The following TSHZ2 variants were observed in gnomAD, a reference collection of about 807,000 sequenced individuals.
TSHZ2 encodes the protein teashirt zinc finger homeobox 2.
In TSHZ2, 21 loss-of-function variants were observed where a neutral mutation model predicts 74.4. That is an observed-to-expected ratio of 0.28 (90% CI 0.20 to 0.41). The LOEUF is 0.41. TSHZ2 is among the 10% of genes least tolerant of loss of function. The probability of loss-of-function intolerance (pLI) is 1.00; values close to 1 mark genes in which losing one functional copy is unlikely to be tolerated. For missense variants in TSHZ2, 1,244 were observed against 1,293.5 expected (o/e 0.96, Z 0.59); for synonymous variants, 540 against 515.3 (o/e 1.05, Z -0.65).
chr20:53,418,174 G>C (rs2145710830), intron 2 of TSHZ2, among the ~76,000 whole-genome samples: 1 of 152,294 alleles, frequency 6.6e-6, no homozygotes, highest in East Asian at 1.9e-4. Flanking sequence ...GAGTAAAGGG[G>C]AGAAATATCT....
Position 53,421,239 on chromosome 20 carries a change from C to T in TSHZ2, c.*9-65905C>T, listed in dbSNP as rs375825479. ...TTCAATATCACCGCAGATGGCGAGC[C>T]TTTAGGCCATGTCTCCTTCGAGCTA... On this transcript the variant is annotated intron_variant, in intron 2 of 2. Coordinates refer to ENST00000371497, the MANE Select transcript of TSHZ2 (RefSeq NM_173485.6). The T allele has an allele frequency of 8.3e-4, 130 of 156,694 alleles. 5 individuals carry two copies. The South Asian group carries it at 0.026, about 31-fold the overall frequency. 9.7% of individuals were successfully genotyped at this position (156,694 alleles called of 1,614,324 possible). A position where few individuals can be genotyped will look rare whatever the true frequency, so the allele number is the denominator to read the frequency against.
chr20:53,293,515 G>A (rs1009828298), intron 2 of TSHZ2, among the ~76,000 whole-genome samples: 6 of 151,924 alleles, frequency 3.9e-5, no homozygotes, highest in Non-Finnish European at 8.8e-5. Context: ...TATTCTTCAG[G>A]CCCCCTCACT....
At chr20:53,384,434 A>C (rs1981970326) in intron 2 of TSHZ2, among the ~76,000 whole-genome samples, 4 of 152,146 alleles carry the variant, frequency 2.6e-5, no homozygotes, top group Admixed American at 2.6e-4. Context: ...TAATCATTTA[A>C]TTGTTTGGTG....
chr20:53,278,987 G>A (rs149671658), intron 2 of TSHZ2, among the ~76,000 whole-genome samples: 4 of 152,298 alleles, frequency 2.6e-5, no homozygotes, highest in East Asian at 1.9e-4. Context: ...CACATATTTT[G>A]TATGTTATAT....
chr20:52,978,232 G>C (rs1198005814), intron 1 of TSHZ2, among the ~76,000 whole-genome samples: 1 of 152,158 alleles, frequency 6.6e-6, no homozygotes, highest in Non-Finnish European at 1.5e-5. Context: ...GGTCATGGGG[G>C]TGGGGGCACA....
chr20:53,465,561 G>A (rs149852311), intron 2 of TSHZ2, among the ~76,000 whole-genome samples: 37 of 152,094 alleles, frequency 2.4e-4, no homozygotes, highest in African/African-American at 6.3e-4. Flanking sequence ...ATGAGACACC[G>A]CACCCAGCCA....
chr20:53,214,300 T>A (rs1989384261), intron 1 of TSHZ2, among the ~76,000 whole-genome samples: 1 of 151,910 alleles, frequency 6.6e-6, no homozygotes, highest in Non-Finnish European at 1.5e-5. Context: ...ATTGAACAAA[T>A]AAGTATAAAA....
intron 2 of TSHZ2, among the ~76,000 whole-genome samples, chr20:53,440,335 C>G: frequency 6.6e-6 from 1 of 152,192 alleles, no homozygotes. Flanking sequence ...CTGGGAGACA[C>G]ACATTCCATT....
At chr20:53,426,476 G>A (rs1389394500) in intron 2 of TSHZ2, among the ~76,000 whole-genome samples, 1 of 151,566 alleles carries the variant, frequency 6.6e-6, no homozygotes, top group Non-Finnish European at 1.5e-5. Flanking sequence ...TTTAAGTTAC[G>A]GTGATCACAA....
At chr20:53,042,422 A>G (rs1984074323) in intron 1 of TSHZ2, among the ~76,000 whole-genome samples, 1 of 152,230 alleles carries the variant, frequency 6.6e-6, no homozygotes, top group Non-Finnish European at 1.5e-5. Context: ...TGTGCTAGGC[A>G]TATACATTCG....
chr20:53,175,122 T>G (rs1988298307), intron 1 of TSHZ2, among the ~76,000 whole-genome samples: 1 of 145,524 alleles, frequency 6.9e-6, no homozygotes, highest in African/African-American at 2.6e-5. Flanking sequence ...CTCCTCCTTC[T>G]TCTTCTTTCT....
chr20:53,460,838 G>A (rs539543221), intron 2 of TSHZ2, among the ~76,000 whole-genome samples: 2 of 152,186 alleles, frequency 1.3e-5, no homozygotes, highest in Admixed American at 1.3e-4. Context: ...CTGCTGGGGG[G>A]TGCCTCCCAG....
In TSHZ2 at chr20:53,389,725, C is replaced by G. The variant is rs557121557; in HGVS notation, c.*9-97419C>G. Among the ~76,000 whole-genome samples the G allele has an allele frequency of 1.3e-3, 200 of 152,152 alleles. 1 individual carries two copies. Among genetic ancestry groups the G allele is most frequent in the Non-Finnish European group, 2.5e-3 (172 of 68,032 alleles). On this transcript the variant is annotated intron_variant, in intron 2 of 2. Transcript: ENST00000371497. ...TTTCAACAGGGAGATGACTTGGCCC[C>G]CAGGGGACATTTGGCAATGTCTAGA...
chr20:53,098,678 A>G (rs1986128021), intron 1 of TSHZ2, among the ~76,000 whole-genome samples: 1 of 152,198 alleles, frequency 6.6e-6, no homozygotes, highest in African/African-American at 2.4e-5. Context: ...TTCAGGGGGG[A>G]ATTTCCCTCT....
At chr20:53,244,514 A>AT (rs1382358690) in intron 1 of TSHZ2, among the ~76,000 whole-genome samples, 1 of 152,218 alleles carries the variant, frequency 6.6e-6, no homozygotes, top group Non-Finnish European at 1.5e-5. Context: ...AAAAGCTTAT[A>AT]AAGTGGTCCC....
intron 2 of TSHZ2, among the ~76,000 whole-genome samples, chr20:53,387,345 G>A (rs1331552820): frequency 1.3e-5 from 2 of 152,188 alleles, no homozygotes; most frequent in African/African-American, 4.8e-5. Flanking sequence ...CTGGCTTCAG[G>A]ATCATCTTAA....
At chr20:53,265,743 AG>A (rs919712621) in intron 2 of TSHZ2, among the ~76,000 whole-genome samples, 15 of 152,182 alleles carry the variant, frequency 9.9e-5, no homozygotes, top group Admixed American at 8.5e-4. Flanking sequence ...TTTGAAAGAG[AG>A]GAAGGTTTTA....
At chr20:53,107,877 C>G (rs899400764) in intron 1 of TSHZ2, among the ~76,000 whole-genome samples, 6 of 152,174 alleles carry the variant, frequency 3.9e-5, no homozygotes, top group African/African-American at 1.4e-4. Context: ...TCTGGCTCCC[C>G]AAGTCCTTCA....
chr20:53,316,393 G>T (rs577978928), intron 2 of TSHZ2, among the ~76,000 whole-genome samples: 1 of 152,262 alleles, frequency 6.6e-6, no homozygotes, highest in East Asian at 1.9e-4. Context: ...GGAGCCCTCA[G>T]CGTAGTAGGG....
Sources: gnomAD v4.1 joint callset for allele counts (sites outside exome capture counted in the v4.1 genomes callset) on GRCh38, gnomAD v4.1.1 for gene constraint, MANE v1.5 for transcripts, NCBI Gene and HGNC (gene_info 2026-07-23, HGNC 2026-07-21) for gene names.